TPD52L1: variants seen among roughly 807,000 people sequenced by gnomAD.
TPD52L1 encodes the protein TPD52 like 1.
A neutral mutation model predicts 28.7 loss-of-function variants in TPD52L1; 18 were observed. The observed-to-expected ratio is 0.63, with a 90% CI of 0.43 to 0.93. The LOEUF (loss-of-function observed/expected upper bound fraction) is 0.93, where lower values mean the gene tolerates loss of function less well. TPD52L1 is among the 40% of genes least tolerant of loss of function. TPD52L1 has a pLI of 0.00. For synonymous variants in TPD52L1, 75 were observed against 88.8 expected (o/e 0.84, Z 0.88); for missense variants, 203 against 254.8 (o/e 0.80, Z 1.39).
chr6:125,172,534 A>ATATAT (rs1791513789), intron 1 of TPD52L1, among the ~76,000 whole-genome samples: 4 of 90,948 alleles, frequency 4.4e-5, no homozygotes, highest in African/African-American at 2.0e-4. Context: ...ATATATATAT[A>ATATAT]TATATATATA....
intron 1 of TPD52L1, among the ~76,000 whole-genome samples, chr6:125,195,374 G>C (rs529647742): frequency 1.7e-4 from 26 of 152,316 alleles, no homozygotes; most frequent in African/African-American, 6.0e-4. Context: ...AAGGCTTAAA[G>C]TGTCTTCAGG....
intron 1 of TPD52L1, among the ~76,000 whole-genome samples, chr6:125,160,588 A>G (rs1357159210): frequency 6.6e-6 from 1 of 152,196 alleles, no homozygotes; most frequent in Non-Finnish European, 1.5e-5. Flanking sequence ...TGTAACTTAA[A>G]GTCACCAGCT....
intron 1 of TPD52L1, among the ~76,000 whole-genome samples, chr6:125,156,502 A>T (rs1411675946): frequency 6.6e-6 from 1 of 150,550 alleles, no homozygotes; most frequent in African/African-American, 2.4e-5. Flanking sequence ...AAAAAAGGCC[A>T]GCCACACCTG....
chr6:125,174,779 G>A (rs186283826), intron 1 of TPD52L1, among the ~76,000 whole-genome samples: 12 of 152,278 alleles, frequency 7.9e-5, no homozygotes, highest in African/African-American at 2.4e-4. Flanking sequence ...TCCTATTTCC[G>A]GTCTCTTGTG....
intron 5 of TPD52L1, among the ~76,000 whole-genome samples, chr6:125,255,599 A>G (rs190437882): frequency 1.3e-5 from 2 of 152,276 alleles, no homozygotes; most frequent in African/African-American, 2.4e-5. Flanking sequence ...ACAATCCCCA[A>G]ATTCACTCAT....
At chr6:125,172,162 TTTCTTTCTTTCTTTC>T (rs1791430098) in intron 1 of TPD52L1, among the ~76,000 whole-genome samples, 7 of 48,326 alleles carry the variant, frequency 1.4e-4, no homozygotes, top group Non-Finnish European at 2.3e-4. Context: ...CTTTCTTTTC[TTTCTTTCTTTCTTTC>T]TTTCTTTCTT....
At chr6:125,204,667 G>C (rs935475483) in intron 1 of TPD52L1, among the ~76,000 whole-genome samples, 1 of 152,068 alleles carries the variant, frequency 6.6e-6, no homozygotes, top group Non-Finnish European at 1.5e-5. Flanking sequence ...TTTTAATAGA[G>C]ACGGGGTTTC....
chr6:125,207,795 G>T (rs554302878), intron 1 of TPD52L1, among the ~76,000 whole-genome samples: 1 of 152,294 alleles, frequency 6.6e-6, no homozygotes, highest in South Asian at 2.1e-4. Flanking sequence ...TGATCTAGGA[G>T]TCTGGAATCT....
At chr6:125,186,290 C>G (rs1792623940) in intron 1 of TPD52L1, among the ~76,000 whole-genome samples, 1 of 152,134 alleles carries the variant, frequency 6.6e-6, no homozygotes, top group Admixed American at 6.5e-5. Context: ...CTGTCACAAC[C>G]ACTCAACTCT....
chr6:125,258,115 C>T (rs551483100), intron 6 of TPD52L1, among the ~76,000 whole-genome samples: 48 of 152,124 alleles, frequency 3.2e-4, no homozygotes, highest in Middle Eastern at 6.3e-3. Context: ...TCCTTACTCG[C>T]GGTTCCAGGT....
At chr6:125,243,656 T>A (rs1481601339) in intron 3 of TPD52L1, among the ~76,000 whole-genome samples, 1 of 152,108 alleles carries the variant, frequency 6.6e-6, no homozygotes, top group Non-Finnish European at 1.5e-5. Flanking sequence ...TGATTGTTTT[T>A]TCCTTATGAT....
intron 3 of TPD52L1, among the ~76,000 whole-genome samples, chr6:125,241,999 C>T (rs1796640462): frequency 6.6e-6 from 1 of 151,842 alleles, no homozygotes; most frequent in African/African-American, 2.4e-5. Context: ...TTTGTTGTAT[C>T]CCAGAGGTTT....
At chr6:125,177,933 TTAAAAGCTAAGTATA>T (rs1791922226) in intron 1 of TPD52L1, among the ~76,000 whole-genome samples, 1 of 152,168 alleles carries the variant, frequency 6.6e-6, no homozygotes, top group Admixed American at 6.5e-5. Flanking sequence ...TCTTATAAAT[TTAAAAGCTAAGTATA>T]TAAAAAGTGA....
At chr6:125,199,781 T>A (rs1044042831) in intron 1 of TPD52L1, among the ~76,000 whole-genome samples, 6 of 152,210 alleles carry the variant, frequency 3.9e-5, no homozygotes, top group Admixed American at 3.9e-4. Context: ...ATAGCACAAA[T>A]TATAGGAAAT....
chr6:125,199,242 TTTAA>T (rs1435716110), intron 1 of TPD52L1, among the ~76,000 whole-genome samples: 1 of 152,234 alleles, frequency 6.6e-6, no homozygotes, highest in African/African-American at 2.4e-5. Context: ...TTTTGTTGAT[TTTAA>T]TTTTTACCAG....
chr6:125,245,941 C>T (rs1796898023), intron 3 of TPD52L1, among the ~76,000 whole-genome samples: 1 of 152,170 alleles, frequency 6.6e-6, no homozygotes, highest in African/African-American at 2.4e-5. Flanking sequence ...TCCACTCACC[C>T]CCCAGATTCT....
chr6:125,188,887 A>G (rs1196168234), intron 1 of TPD52L1, among the ~76,000 whole-genome samples: 1 of 152,264 alleles, frequency 6.6e-6, no homozygotes, highest in Non-Finnish European at 1.5e-5. Context: ...ACATATGCCA[A>G]TAAGGTCAGC....
intron 2 of TPD52L1, among the ~76,000 whole-genome samples, chr6:125,226,393 G>A (rs995919028): frequency 6.6e-6 from 1 of 151,882 alleles, no homozygotes; most frequent in Non-Finnish European, 1.5e-5. Flanking sequence ...TCACTTTAAT[G>A]TTTCTATCGC....
chr6:125,193,489 T>G (rs1793197454), intron 1 of TPD52L1, among the ~76,000 whole-genome samples: 1 of 152,026 alleles, frequency 6.6e-6, no homozygotes, highest in African/African-American at 2.4e-5. Flanking sequence ...GTTGCAAAAG[T>G]CCCAAGCAGC....
Sources: allele counts gnomAD v4.1 joint callset (sites outside exome capture counted in the v4.1 genomes callset), GRCh38; gene constraint gnomAD v4.1.1; transcripts MANE v1.5; gene names NCBI Gene and HGNC (gene_info 2026-07-23, HGNC 2026-07-21).